Variants in NCK2 observed in about 807,000 individuals in gnomAD.
The protein encoded by NCK2 is NCK adaptor protein 2.
Under a neutral mutation model 33.9 loss-of-function variants are expected in NCK2, and 16 were observed. That is an observed-to-expected ratio of 0.47 (90% CI 0.32 to 0.72). The LOEUF (loss-of-function observed/expected upper bound fraction) is 0.72. Ranked by LOEUF, NCK2 falls within the 30% of genes least tolerant of loss-of-function variation. The pLI, the probability that NCK2 is intolerant of heterozygous loss-of-function variation, is 0.03. For synonymous variants in NCK2, 273 were observed against 239.9 expected, an observed-to-expected ratio of 1.14 and a Z score of -1.27; for missense variants, 418 against 537.3, an observed-to-expected ratio of 0.78 and a Z score of 2.19.
chr2:105,881,689 G>A lies in NCK2; in HGVS notation c.588G>A (p.Val196=). ...TGAGCAATGGCCAGGGCTCCCGCGT[G>A]CTGCATGTGGTCCAGACGCTGTACC... The part of the protein sequence containing the change: ...ASLSNGQGSR[V]LHVVQTLYPF... Residue 196 remains valine, a synonymous_variant, in exon 4 of 5, where the codon GTG becomes GTA. Transcript: ENST00000233154. 5 of 1,614,048 alleles carry A rather than the reference G, an allele frequency of 3.1e-6. No individual in the cohort carries two copies. The highest frequency in any genetic ancestry group is 4.2e-6 in the Non-Finnish European group (5 of 1,179,920).
chr2:105,757,615 C>G lies in NCK2; in HGVS notation c.-201+12477C>G, dbSNP rs1235422331. Among the ~76,000 whole-genome samples, 3 of 152,194 alleles carry G rather than the reference C, an allele frequency of 2.0e-5. No individual in the cohort carries two copies. In the South Asian group the frequency reaches 6.2e-4, roughly 32 times the overall value. ...CACTGTGCTGGGTGCCGTGGGAAAACCACAGCAAACCAGACAAACACCAGC... is the reference window on the plus strand; with the variant it reads ...CACTGTGCTGGGTGCCGTGGGAAAAGCACAGCAAACCAGACAAACACCAGC... On this transcript the variant is annotated intron_variant, in intron 1 of 4. Transcript: ENST00000233154.
intron 1 of NCK2, among the ~76,000 whole-genome samples, chr2:105,811,979 A>G (rs1675308985): frequency 6.6e-6 from 1 of 152,274 alleles, no homozygotes; most frequent in East Asian, 1.9e-4. Flanking sequence ...TTCTCCTGCA[A>G]ACACCTGCCT....
At chr2:105,745,274 C>G (rs1689240342) in intron 1 of NCK2, 136 bp downstream of exon 1, 1 of 151,666 alleles carries the variant, frequency 6.6e-6, no homozygotes, top group Non-Finnish European at 1.5e-5. Flanking sequence ...CCGCGCCCCT[C>G]CGGTGCTCTC....
chr2:105,883,320 C>T (rs1187196675), intron 4 of NCK2, among the ~76,000 whole-genome samples: 1 of 152,212 alleles, frequency 6.6e-6, no homozygotes, highest in Non-Finnish European at 1.5e-5. Flanking sequence ...TTAAGGACAG[C>T]AGCGCTTTTA....
intron 2 of NCK2, among the ~76,000 whole-genome samples, chr2:105,819,326 T>TAAA (rs35497405): frequency 0.017 from 2,323 of 136,010 alleles, 25 homozygotes; most frequent in Non-Finnish European, 0.022. Flanking sequence ...CCGTTTTCTT[T>TAAA]AAAAAAAAAA....
intron 1 of NCK2, among the ~76,000 whole-genome samples, chr2:105,770,946 G>A (rs58931849): frequency 0.47 from 71,307 of 151,330 alleles, 17,781 homozygotes; most frequent in African/African-American, 0.64. Context: ...GTTTTGAGAC[G>A]GAGTCTCGCT....
Position 105,773,422 on chromosome 2 carries a change from G to C in NCK2, c.-201+28284G>C, listed in dbSNP as rs146133931. Among the ~76,000 whole-genome samples the C allele has an allele frequency of 1.6e-4, 24 of 152,058 alleles. No individual in the cohort carries two copies. In the East Asian group the frequency reaches 4.3e-3, roughly 27 times the overall value. On this transcript the variant is annotated intron_variant, in intron 1 of 4. Transcript: ENST00000233154. Reference sequence around the variant, plus strand: ...TTGCTCATGCTGGTTTTTCATCCCTGGAATGCCTCCTTGTTTCCCACATGC... The same window carrying C: ...TTGCTCATGCTGGTTTTTCATCCCTCGAATGCCTCCTTGTTTCCCACATGC...
intron 1 of NCK2, among the ~76,000 whole-genome samples, chr2:105,807,169 A>G (rs1179039282): frequency 6.6e-6 from 1 of 152,200 alleles, no homozygotes; most frequent in Non-Finnish European, 1.5e-5. Context: ...TCCTGAGTTC[A>G]TTAGAACCTG....
chr2:105,757,275 G>A (rs960917147), intron 1 of NCK2, among the ~76,000 whole-genome samples: 2 of 152,196 alleles, frequency 1.3e-5, no homozygotes, highest in Non-Finnish European at 2.9e-5. Flanking sequence ...ACTAGGGGTT[G>A]CCTGTAATGT....
chr2:105,850,355 G>GTGAAATACGTTAGTGAAAAACA (rs1338517861), intron 2 of NCK2, among the ~76,000 whole-genome samples: 8 of 152,166 alleles, frequency 5.3e-5, no homozygotes, highest in African/African-American at 1.9e-4. Flanking sequence ...TCGTATTTTA[G>GTGAAATACGTTAGTGAAAAACA]GCGTTAGTGA....
At chr2:105,761,382 A>G (rs72823399) in intron 1 of NCK2, among the ~76,000 whole-genome samples, 8,343 of 152,212 alleles carry the variant, frequency 0.055, 300 homozygotes, top group South Asian at 0.11. Context: ...AATTAAGGCC[A>G]TTAGCCTGTT....
At chr2:105,770,173 T>C (rs12465089) in intron 1 of NCK2, among the ~76,000 whole-genome samples, 46,422 of 149,870 alleles carry the variant, frequency 0.31, 8,391 homozygotes, top group East Asian at 0.45. Context: ...AGAAAAAGGA[T>C]GGTGCTGTGG....
chr2:105,873,797 C>A (rs774068733), intron 3 of NCK2, among the ~76,000 whole-genome samples: 7 of 152,216 alleles, frequency 4.6e-5, no homozygotes, highest in Non-Finnish European at 5.9e-5. Context: ...TGGTTGGGGC[C>A]TGTCTCTCTG....
chr2:105,784,642 G>C (rs1328569416), intron 1 of NCK2, among the ~76,000 whole-genome samples: 2 of 152,202 alleles, frequency 1.3e-5, no homozygotes, highest in Non-Finnish European at 2.9e-5. Flanking sequence ...TCTGTGGTTA[G>C]GCAGGCAGTT....
In NCK2 at chr2:105,881,657, G is replaced by A. The variant is rs755385208; in HGVS notation, c.556G>A (p.Ala186Thr). 19 of 1,613,024 alleles carry A rather than the reference G, an allele frequency of 1.2e-5. No homozygotes were observed. The highest frequency in any genetic ancestry group is 1.3e-5 in the African/African-American group (1 of 74,938). The change falls in exon 4 of 5, where the codon GCC becomes ACC. Residue 186 changes from alanine (A) to threonine (T), a missense_variant. Ala to Thr is a moderately conservative substitution (Grantham distance 58, BLOSUM62 0). Transcript: ENST00000233154. ...SPSFLSLRKG[A>T]SLSNGQGSRV... is the part of the protein sequence containing the mutation. ...AAGCTTCCTGAGCCTGCGCAAGGGCGCCTCGCTGAGCAATGGCCAGGGCTC... is the reference window on the plus strand; with the variant it reads ...AAGCTTCCTGAGCCTGCGCAAGGGCACCTCGCTGAGCAATGGCCAGGGCTC...
At chr2:105,828,320 A>G (rs1676033132) in intron 2 of NCK2, among the ~76,000 whole-genome samples, 1 of 152,196 alleles carries the variant, frequency 6.6e-6, no homozygotes, top group Non-Finnish European at 1.5e-5. Context: ...CCTGCTTTGG[A>G]ACAATATGGC....
Position 105,760,791 on chromosome 2 carries a change from TGAGA to T in NCK2, c.-201+15665_-201+15668del, listed in dbSNP as rs142266692. ...TCTCTGAAAATGGTTTTGTCACATG[TGAGA>T]GAGAGAGAGAGGCAGAGACACCGAG... On this transcript the variant is annotated intron_variant, in intron 1 of 4. Coordinates refer to ENST00000233154, the MANE Select transcript of NCK2 (RefSeq NM_003581.5). Among the ~76,000 whole-genome samples the T allele has an allele frequency of 2.1e-3, 311 of 150,426 alleles. 2 individuals carry two copies. The highest frequency in any genetic ancestry group is 7.0e-3 in the African/African-American group (289 of 41,072).
intron 3 of NCK2, among the ~76,000 whole-genome samples, chr2:105,857,879 C>T (rs1313279813): frequency 2.0e-5 from 3 of 152,190 alleles, no homozygotes; most frequent in Admixed American, 6.5e-5. Context: ...GAGGCACCCC[C>T]GATCAGGTCT....
chr2:105,832,245 G>T (rs934801018), intron 2 of NCK2, among the ~76,000 whole-genome samples: 1 of 152,062 alleles, frequency 6.6e-6, no homozygotes, highest in Non-Finnish European at 1.5e-5. Flanking sequence ...CAATTTCACC[G>T]GATCTGTTTA....
Sources: gnomAD v4.1 joint callset for allele counts (sites outside exome capture counted in the v4.1 genomes callset) on GRCh38, gnomAD v4.1.1 for gene constraint, MANE v1.5 for transcripts, NCBI Gene and HGNC (gene_info 2026-07-23, HGNC 2026-07-21) for gene names.